Variants in LYPLA1 observed in about 807,000 individuals in gnomAD.
LYPLA1 encodes the protein acyl-protein thioesterase 1.
In LYPLA1, 17 loss-of-function variants were observed where a neutral mutation model predicts 34.0. The observed-to-expected ratio is 0.50, with a 90% CI of 0.34 to 0.75. The LOEUF (loss-of-function observed/expected upper bound fraction) is 0.75, where lower values mean the gene tolerates loss of function less well. Ranked by LOEUF, LYPLA1 falls within the 30% of genes least tolerant of loss-of-function variation. The probability of loss-of-function intolerance (pLI) is 0.01; values close to 1 mark genes in which losing one functional copy is unlikely to be tolerated. For missense variants in LYPLA1, 203 were observed against 288.8 expected, an observed-to-expected ratio of 0.70 and a Z score of 2.15; for synonymous variants, 98 against 100.8, an observed-to-expected ratio of 0.97 and a Z score of 0.17.
chr8:54,085,336 T>C (rs1808633547), intron 2 of LYPLA1, among the ~76,000 whole-genome samples: 1 of 152,180 alleles, frequency 6.6e-6, no homozygotes. Flanking sequence ...CGGCTCACTA[T>C]AACCTCCACC....
chr8:54,085,179 G>C (rs924064874), intron 2 of LYPLA1, among the ~76,000 whole-genome samples: 1 of 152,240 alleles, frequency 6.6e-6, no homozygotes, highest in Non-Finnish European at 1.5e-5. Context: ...GTTGAGACAG[G>C]GTTTCGCCGT....
intron 2 of LYPLA1, chr8:54,073,277 TG>T: frequency 1.1e-6 from 1 of 888,960 alleles, no homozygotes; most frequent in Non-Finnish European, 1.9e-6. Context: ...ACCTGCATGC[TG>T]GGGTCCTTCT....
chr8:54,089,650 G>A (rs1809075530), intron 2 of LYPLA1, among the ~76,000 whole-genome samples: 1 of 150,416 alleles, frequency 6.6e-6, no homozygotes, highest in Non-Finnish European at 1.5e-5. Flanking sequence ...TTTGAGATAG[G>A]GTCTCACTGT....
intron 2 of LYPLA1, among the ~76,000 whole-genome samples, chr8:54,090,732 A>T (rs575625140): frequency 1.4e-4 from 22 of 152,190 alleles, no homozygotes; most frequent in Non-Finnish European, 1.0e-4. Flanking sequence ...GAACAAAGAG[A>T]GAGCCCCATT....
intron 2 of LYPLA1, among the ~76,000 whole-genome samples, chr8:54,089,726 C>A (rs1263646502): frequency 4.0e-5 from 6 of 151,568 alleles, no homozygotes; most frequent in African/African-American, 1.5e-4. Context: ...CAGGCTCAGG[C>A]GATCCTCCCA....
intron 7 of LYPLA1, 135 bp from the exon 8 acceptor site, chr8:54,051,323 C>T: frequency 1.4e-6 from 1 of 709,768 alleles, no homozygotes. Flanking sequence ...AATAAAATTC[C>T]TTCATCCATA....
chr8:54,046,082 A>T (rs1326226752), downstream of LYPLA1, among the ~76,000 whole-genome samples: 1 of 152,136 alleles, frequency 6.6e-6, no homozygotes, highest in Non-Finnish European at 1.5e-5. Flanking sequence ...AAAATAAAAT[A>T]AAATTTAAAA....
chr8:54,066,607 C>T (rs1807086267), intron 2 of LYPLA1, among the ~76,000 whole-genome samples: 1 of 151,568 alleles, frequency 6.6e-6, no homozygotes, highest in South Asian at 2.1e-4. Flanking sequence ...ATAGTGAAAC[C>T]CCATCTCTAC....
intron 5 of LYPLA1, among the ~76,000 whole-genome samples, chr8:54,058,609 T>C (rs1349545036): frequency 3.3e-5 from 5 of 151,564 alleles, no homozygotes; most frequent in Non-Finnish European, 7.4e-5. Context: ...TCTGTGTCTC[T>C]GTCTCTGTCT....
At chr8:54,092,429 C>T (rs950821553) in intron 2 of LYPLA1, among the ~76,000 whole-genome samples, 1 of 152,092 alleles carries the variant, frequency 6.6e-6, no homozygotes, top group Non-Finnish European at 1.5e-5. Context: ...TGGTCTCATT[C>T]CAGACCCACT....
chr8:54,058,430 G>C (rs1297252235), intron 5 of LYPLA1, among the ~76,000 whole-genome samples: 1 of 152,146 alleles, frequency 6.6e-6, no homozygotes, highest in African/African-American at 2.4e-5. Flanking sequence ...TGTAGTCCTA[G>C]CTACTTGGGA....
intron 5 of LYPLA1, 45 bp from the exon 6 acceptor site, chr8:54,055,178 G>T: frequency 1.8e-6 from 2 of 1,121,968 alleles, no homozygotes; most frequent in Non-Finnish European, 1.3e-6. Context: ...TCAGAGTTAA[G>T]CCCACTGATA....
intron 2 of LYPLA1, among the ~76,000 whole-genome samples, chr8:54,088,463 G>A (rs1393663185): frequency 2.0e-5 from 3 of 152,176 alleles, no homozygotes; most frequent in Non-Finnish European, 2.9e-5. Context: ...AAGTGTTAAC[G>A]AGGATGGCGA....
intron 1 of LYPLA1, 36 bp from the exon 2 acceptor site, chr8:54,100,975 A>ATT (rs777926565): frequency 1.3e-6 from 2 of 1,560,414 alleles, no homozygotes; most frequent in South Asian, 2.2e-5. Context: ...AGCAATGCCT[A>ATT]AATAAGCCCA....
intron 8 of LYPLA1, 43 bp downstream of exon 8, chr8:54,050,965 GAAAA>G (rs747339895): frequency 6.6e-7 from 1 of 1,509,794 alleles, no homozygotes; most frequent in African/African-American, 1.4e-5. Context: ...AATATCACAT[GAAAA>G]AAGTTACAAA....
chr8:54,063,349 A>C lies in LYPLA1; in HGVS notation c.194T>G (p.Met65Arg). ...TTACCATGAAGGCATAGCCACGTTC[A>C]TATTTAATGTAACAGGCCTAACAGG... ...HAPVRPVTLN[M>R]NVAMPSWFDI... Residue 65 changes from methionine to arginine, a missense_variant, in exon 4 of 9, where the codon ATG (methionine) becomes AGG (arginine). Met to Arg is a moderately conservative substitution (Grantham distance 91, BLOSUM62 -1). Coordinates refer to ENST00000316963, the MANE Select transcript of LYPLA1 (RefSeq NM_006330.4). 1 of 1,539,458 alleles carries C rather than the reference A, an allele frequency of 6.5e-7. No homozygotes were observed. Among genetic ancestry groups the C allele is most frequent in the Non-Finnish European group, 8.8e-7 (1 of 1,140,324 alleles).
At chr8:54,074,697 T>C (rs1368181155) in intron 2 of LYPLA1, among the ~76,000 whole-genome samples, 1 of 152,242 alleles carries the variant, frequency 6.6e-6, no homozygotes, top group African/African-American at 2.4e-5. Flanking sequence ...GATGCCCAAC[T>C]TACCAAATGG....
At chr8:54,091,071 T>C (rs903023571) in intron 2 of LYPLA1, among the ~76,000 whole-genome samples, 2 of 152,202 alleles carry the variant, frequency 1.3e-5, no homozygotes, top group Non-Finnish European at 2.9e-5. Flanking sequence ...GGTTTTGCCA[T>C]GTTGCCCAGA....
At chr8:54,055,326 A>C (rs1045337854) in intron 5 of LYPLA1, among the ~76,000 whole-genome samples, 193 bp from the exon 6 acceptor site, 2 of 152,334 alleles carry the variant, frequency 1.3e-5, no homozygotes, top group African/African-American at 4.8e-5. Context: ...CAACGTGAAA[A>C]GGAAATTTTA....
Sources: gnomAD v4.1 joint callset for allele counts (sites outside exome capture counted in the v4.1 genomes callset) on GRCh38, gnomAD v4.1.1 for gene constraint, MANE v1.5 for transcripts, NCBI Gene and HGNC (gene_info 2026-07-23, HGNC 2026-07-21) for gene names.